Variants in GRID2 observed in about 807,000 individuals in gnomAD.
GRID2 encodes glutamate ionotropic receptor delta type subunit 2.
In GRID2, 33 loss-of-function variants were observed where a neutral mutation model predicts 114.8. The observed-to-expected ratio is 0.29, with a 90% CI of 0.22 to 0.38. The LOEUF is 0.38. Ranked by LOEUF, GRID2 falls within the 10% of genes least tolerant of loss-of-function variation. The probability of loss-of-function intolerance (pLI) is 1.00; values close to 1 mark genes in which losing one functional copy is unlikely to be tolerated. For synonymous variants in GRID2, 505 were observed against 449.9 expected (o/e 1.12, Z -1.55); for missense variants, 1,184 against 1,257.7 (o/e 0.94, Z 0.89).
Position 93,187,970 on chromosome 4 carries a change from A to G in GRID2, c.736-19434A>G, listed in dbSNP as rs1740600362. Among the ~76,000 whole-genome samples, 3 of 152,220 alleles carry G rather than the reference A, an allele frequency of 2.0e-5. No individual in the cohort carries two copies. The South Asian group carries it at 6.2e-4, about 31-fold the overall frequency. ...GGAAGCCCTGCCCACATGGGTTTGC[A>G]GAATACAACCAGTATTGCAGCTCTC... On this transcript the variant is annotated intron_variant, in intron 4 of 15. Transcript: ENST00000282020.
intron 8 of GRID2, among the ~76,000 whole-genome samples, chr4:93,366,087 G>T (rs891770399): frequency 6.6e-6 from 1 of 152,006 alleles, no homozygotes; most frequent in African/African-American, 2.4e-5. Flanking sequence ...AAACTGTACA[G>T]CATGTGTGTT....
At position 92,516,260 on chromosome 4, in the gene GRID2, T is replaced by C. The variant is rs138565254; in HGVS notation, c.89-73871T>C. 5.3e-4 allele frequency among the ~76,000 whole-genome samples: 80 copies of C among 152,066 alleles called. 1 individual carries two copies. In the East Asian group the frequency reaches 0.011, roughly 21 times the overall value. The stretch of plus-strand genomic sequence containing the variant: ...AGTTTTGCTATAACTTTTGACCTTT[T>C]GGTTTATAATGTCATTCATGTTGTA... On this transcript the variant is annotated intron_variant, in intron 1 of 15. Coordinates refer to ENST00000282020, the MANE Select transcript of GRID2 (RefSeq NM_001510.4).
chr4:92,738,786 A>C (rs902782696), intron 2 of GRID2, among the ~76,000 whole-genome samples: 24 of 152,152 alleles, frequency 1.6e-4, no homozygotes, highest in Middle Eastern at 3.4e-3. Flanking sequence ...TCAGTAGCTA[A>C]GACTAATGGC....
chr4:92,401,509 C>A (rs1560608273), intron 1 of GRID2, among the ~76,000 whole-genome samples: 1 of 151,842 alleles, frequency 6.6e-6, no homozygotes. Flanking sequence ...TGCAATAAAG[C>A]AAATATCAAA....
At chr4:93,206,508 T>C (rs1742797929) in intron 4 of GRID2, among the ~76,000 whole-genome samples, 2 of 151,904 alleles carry the variant, frequency 1.3e-5, no homozygotes, top group South Asian at 4.1e-4. Flanking sequence ...GCCCATGCCA[T>C]GCATAAATCA....
chr4:93,099,729 T>TAAGC (rs1338760407), intron 3 of GRID2, among the ~76,000 whole-genome samples: 1 of 151,894 alleles, frequency 6.6e-6, no homozygotes, highest in East Asian at 1.9e-4. Flanking sequence ...CTAAACTACT[T>TAAGC]AAGCACCACT....
chr4:92,392,847 G>A (rs938885304), intron 1 of GRID2, among the ~76,000 whole-genome samples: 4 of 151,910 alleles, frequency 2.6e-5, no homozygotes, highest in African/African-American at 7.3e-5. Context: ...TACTGAAAAC[G>A]GTGTGTTTTG....
intron 2 of GRID2, among the ~76,000 whole-genome samples, chr4:93,074,988 T>C (rs1292266699): frequency 6.6e-6 from 1 of 152,176 alleles, no homozygotes; most frequent in Non-Finnish European, 1.5e-5. Context: ...CTCTCACTAC[T>C]GAAACTCCGG....
chr4:93,209,742 T>C (rs949437790), intron 5 of GRID2, among the ~76,000 whole-genome samples: 1 of 152,114 alleles, frequency 6.6e-6, no homozygotes, highest in Non-Finnish European at 1.5e-5. Context: ...TTCCTTTTTC[T>C]TCACAACCAT....
intron 1 of GRID2, among the ~76,000 whole-genome samples, chr4:92,529,047 T>C (rs568261425): frequency 6.6e-6 from 1 of 152,172 alleles, no homozygotes; most frequent in Non-Finnish European, 1.5e-5. Flanking sequence ...TGAATTCTCT[T>C]GGGACGTGAG....
At chr4:93,655,943 T>C (rs986611508) in intron 14 of GRID2, among the ~76,000 whole-genome samples, 1 of 151,984 alleles carries the variant, frequency 6.6e-6, no homozygotes, top group African/African-American at 2.4e-5. Context: ...AGCATAGTTT[T>C]CAAATTTGTA....
chr4:92,809,244 G>A (rs1367958748), intron 2 of GRID2, among the ~76,000 whole-genome samples: 2 of 151,806 alleles, frequency 1.3e-5, no homozygotes, highest in Non-Finnish European at 2.9e-5. Context: ...GAGCCACTTT[G>A]CAAATAAAAA....
rs1489496670 is a variant in GRID2 at position 93,362,442 on chromosome 4, T to C, written c.1246-33165T>C. On this transcript the variant is annotated intron_variant, in intron 8 of 15. Coordinates refer to ENST00000282020, the MANE Select transcript of GRID2 (RefSeq NM_001510.4). Reference sequence around the variant, plus strand: ...CATGGCAGTCAAACTTTGTCTTAAATGTTTGGCAGGTCTCATGCTTGGGGG... The same window carrying C: ...CATGGCAGTCAAACTTTGTCTTAAACGTTTGGCAGGTCTCATGCTTGGGGG... 2.0e-5 allele frequency among the ~76,000 whole-genome samples: 3 copies of C among 151,978 alleles called. No individual in the cohort carries two copies. In the East Asian group the frequency reaches 5.9e-4, roughly 30 times the overall value.
At chr4:92,720,564 T>A (rs1004043874) in intron 2 of GRID2, among the ~76,000 whole-genome samples, 1 of 152,048 alleles carries the variant, frequency 6.6e-6, no homozygotes, top group African/African-American at 2.4e-5. Context: ...ATAAAACTCT[T>A]GTCCTATAAG....
In GRID2 at chr4:93,760,707, T is replaced by C. The variant is rs145758347; in HGVS notation, c.2361-8503T>C. Reference sequence around the variant, plus strand: ...TAAAAAACTACTAATTAATTTACAGTACTTCTGGTCACACATAATTAAAAA... The same window carrying C: ...TAAAAAACTACTAATTAATTTACAGCACTTCTGGTCACACATAATTAAAAA... On this transcript the variant is annotated intron_variant, in intron 14 of 15. Transcript: ENST00000282020. 4.5e-3 allele frequency among the ~76,000 whole-genome samples: 691 copies of C among 152,356 alleles called. 6 individuals are homozygous for C. Among genetic ancestry groups the C allele is most frequent in the African/African-American group, 0.016 (650 of 41,582 alleles).
intron 4 of GRID2, among the ~76,000 whole-genome samples, chr4:93,143,209 A>G (rs1735920360): frequency 6.6e-6 from 1 of 152,218 alleles, no homozygotes; most frequent in Admixed American, 6.5e-5. Flanking sequence ...GCAACTATAA[A>G]TATATGTTAA....
rs1312844642 is a variant in GRID2 at position 93,335,556 on chromosome 4, A to G, written c.1246-60051A>G. 4.6e-5 allele frequency among the ~76,000 whole-genome samples: 7 copies of G among 152,374 alleles called. No individual in the cohort carries two copies. In the South Asian group the frequency reaches 1.4e-3, roughly 32 times the overall value. ...TAGCATAAAAATACCAACCAACAGTAACAACAATAACAACTAAACTTTGTG... is the reference window on the plus strand; with the variant it reads ...TAGCATAAAAATACCAACCAACAGTGACAACAATAACAACTAAACTTTGTG... On this transcript the variant is annotated intron_variant, in intron 8 of 15. Coordinates refer to ENST00000282020, the MANE Select transcript of GRID2 (RefSeq NM_001510.4).
intron 1 of GRID2, among the ~76,000 whole-genome samples, chr4:92,436,687 ATG>A (rs1258260344): frequency 1.3e-5 from 2 of 152,092 alleles, no homozygotes; most frequent in Non-Finnish European, 2.9e-5. Context: ...GTGTGTGTGA[ATG>A]TATATATGTA....
intron 1 of GRID2, among the ~76,000 whole-genome samples, chr4:93,780,415 G>A (rs1734456954): frequency 6.6e-6 from 1 of 152,198 alleles, no homozygotes; most frequent in South Asian, 2.1e-4. Flanking sequence ...AGGGCGCTAA[G>A]AGGTAACAAA....
Sources: allele counts gnomAD v4.1 joint callset (sites outside exome capture counted in the v4.1 genomes callset), GRCh38; gene constraint gnomAD v4.1.1; transcripts MANE v1.5; gene names NCBI Gene and HGNC (gene_info 2026-07-23, HGNC 2026-07-21).